ZSCAN5A: variants seen among roughly 807,000 people sequenced by gnomAD.
ZSCAN5A encodes zinc finger and SCAN domain containing 5A, also known as zinc finger and SCAN domain-containing protein 5A.
In ZSCAN5A, 12 loss-of-function variants were observed where a neutral mutation model predicts 23.7. The ratio of observed to expected loss-of-function variants is 0.51; its 90% confidence interval spans 0.32 to 0.82. ZSCAN5A has a LOEUF of 0.82. ZSCAN5A is among the 40% of genes least tolerant of loss of function. The probability of loss-of-function intolerance (pLI) is 0.03; values close to 1 mark genes in which losing one functional copy is unlikely to be tolerated. For synonymous variants in ZSCAN5A, 257 were observed against 239.9 expected, an observed-to-expected ratio of 1.07 and a Z score of -0.66; for missense variants, 597 against 617.9, an observed-to-expected ratio of 0.97 and a Z score of 0.36.
rs1361151736 is a variant in ZSCAN5A at position 56,351,600 on chromosome 19, CTTCT to C, written c.-358+11631_-358+11634del. ...GGGGGAGCTGTTCTCTTCTTTCTTCCTTCTTACTTGCTATTAAACTTTTCACTCC... is the reference window on the plus strand; with the variant it reads ...GGGGGAGCTGTTCTCTTCTTTCTTCCTACTTGCTATTAAACTTTTCACTCC... On this transcript the variant is annotated intron_variant, in intron 2 of 6. Coordinates refer to the ZSCAN5A transcript ENST00000587340. The surrounding 1 kb of genome is among the most constrained non-coding windows in gnomAD (Gnocchi z 4.8). 6.6e-6 allele frequency among the ~76,000 whole-genome samples: 1 copy of C among 152,088 alleles called. No individual in the cohort carries two copies. The highest frequency in any genetic ancestry group is 2.4e-5 in the African/African-American group (1 of 41,426).
rs1023232566 is a variant in ZSCAN5A at position 56,272,870 on chromosome 19, G to A, written c.-128+40413C>T. 28 of 985,302 alleles carry A rather than the reference G, an allele frequency of 2.8e-5. No individual in the cohort carries two copies. In the African/African-American group the frequency reaches 4.2e-4, roughly 15 times the overall value. The allele number at this position is 985,302 out of a possible 1,614,324, so 61.0% of individuals were successfully genotyped here. A position where few individuals can be genotyped will look rare whatever the true frequency, so the allele number is the denominator to read the frequency against. Reference sequence around the variant, plus strand: ...CAGAGCCATTTCTGAAAATGTCGCTGCTGATTCTGCTTTTCCTGGGATTGG... The same window carrying A: ...CAGAGCCATTTCTGAAAATGTCGCTACTGATTCTGCTTTTCCTGGGATTGG... On this transcript the variant is annotated intron_variant, in intron 2 of 5. Coordinates refer to ENST00000683990, the MANE Select transcript of ZSCAN5A (RefSeq NM_001322064.3).
chr19:56,297,067 C>T (rs959906163), intron 2 of ZSCAN5A, among the ~76,000 whole-genome samples: 2 of 116,520 alleles, frequency 1.7e-5, no homozygotes, highest in African/African-American at 5.7e-5. Context: ...AAAACTCTGT[C>T]TCAAAAAAAA....
intron 2 of ZSCAN5A, among the ~76,000 whole-genome samples, chr19:56,328,619 G>T (rs934817419): frequency 6.6e-6 from 1 of 151,258 alleles, no homozygotes; most frequent in Non-Finnish European, 1.5e-5. Context: ...GGGCTACAGA[G>T]CATGACTCTG....
Position 56,222,232 on chromosome 19 carries a change from C to T in ZSCAN5A, c.834G>A (p.Glu278=). The change falls in exon 6 of 6, where the codon GAG becomes GAA. Residue 278 remains glutamate, a synonymous_variant. Coordinates refer to ENST00000683990, the MANE Select transcript of ZSCAN5A (RefSeq NM_001322064.3). ...DADTPSACVV[E]REASTHSGNR... is the part of the protein sequence containing the mutation. ...TCCCGCTGTGAGTCGAAGCTTCTCT[C>T]TCCACAACGCAGGCAGAAGGTGTGT... The T allele has an allele frequency of 6.2e-7, 1 of 1,613,964 alleles. No individual in the cohort carries two copies. The highest frequency in any genetic ancestry group is 8.5e-7 in the Non-Finnish European group (1 of 1,179,892).
intron 2 of ZSCAN5A, among the ~76,000 whole-genome samples, chr19:56,253,946 T>C (rs143376260): frequency 2.8e-4 from 42 of 152,284 alleles, no homozygotes; most frequent in Admixed American, 6.5e-4. Context: ...GCAGAAAAGA[T>C]CTTGTTCTAA....
At chr19:56,235,561 C>T (rs2034840021) in intron 2 of ZSCAN5A, among the ~76,000 whole-genome samples, 1 of 51,884 alleles carries the variant, frequency 1.9e-5, no homozygotes, top group Non-Finnish European at 3.5e-5. Flanking sequence ...GACCGTGGGC[C>T]AAGTCTCCAC....
At chr19:56,296,364 T>G (rs1202204069) in intron 2 of ZSCAN5A, 1 of 152,218 alleles carries the variant, frequency 6.6e-6, no homozygotes, top group African/African-American at 2.4e-5. Flanking sequence ...TACTGCATGG[T>G]AAGTCTGGTG....
intron 2 of ZSCAN5A, among the ~76,000 whole-genome samples, chr19:56,323,639 C>T (rs554708868): frequency 4.5e-4 from 67 of 150,082 alleles, no homozygotes; most frequent in Non-Finnish European, 7.8e-4. Flanking sequence ...CGGGTTCAAG[C>T]GATTCTCCTG....
At chr19:56,355,945 T>C (rs2041698246) in intron 2 of ZSCAN5A, among the ~76,000 whole-genome samples, 4 of 148,804 alleles carry the variant, frequency 2.7e-5, no homozygotes, top group Admixed American at 2.7e-4. Flanking sequence ...CATACACTTA[T>C]TTTCTGTGGT....
chr19:56,312,967 T>C (rs1320025239), intron 2 of ZSCAN5A, among the ~76,000 whole-genome samples: 5 of 152,236 alleles, frequency 3.3e-5, no homozygotes, highest in Non-Finnish European at 7.3e-5. Flanking sequence ...CAGTTACTGT[T>C]ACTGCTGCTG....
chr19:56,237,655 C>T (rs1021774357), intron 2 of ZSCAN5A, among the ~76,000 whole-genome samples: 3 of 152,112 alleles, frequency 2.0e-5, no homozygotes, highest in South Asian at 2.1e-4. Flanking sequence ...CGCGGTGGCT[C>T]ATGCCTGTAA....
chr19:56,284,750 G>A (rs1259358441), intron 2 of ZSCAN5A, among the ~76,000 whole-genome samples: 1 of 151,986 alleles, frequency 6.6e-6, no homozygotes, highest in Non-Finnish European at 1.5e-5. Flanking sequence ...CTGACCTCAG[G>A]TGATCCACCC....
In ZSCAN5A at chr19:56,222,297, C is replaced by A. The variant is rs772271198; in HGVS notation, c.769G>T (p.Asp257Tyr). 4.3e-6 allele frequency: 7 copies of A among 1,612,458 alleles called. No individual in the cohort carries two copies. Among genetic ancestry groups the A allele is most frequent in the Non-Finnish European group, 4.2e-6 (5 of 1,179,854 alleles). Residue 257 changes from aspartate to tyrosine, a missense_variant, in exon 6 of 6, where the codon GAC (aspartate) becomes TAC (tyrosine). By Grantham distance (160) the Asp-to-Tyr change is radical. Coordinates refer to ENST00000683990, the MANE Select transcript of ZSCAN5A (RefSeq NM_001322064.3). Reference protein sequence around the residue: ...TDLVRAKEGKDPPKIASVENV... With the variant: ...TDLVRAKEGKYPPKIASVENV... ...TCCACAGAGGCTATTTTTGGGGGGT[C>A]CTTCCCCTCCTTTGCTCTCACCAGA...
intron 2 of ZSCAN5A, among the ~76,000 whole-genome samples, chr19:56,255,077 T>C (rs561866619): frequency 6.6e-6 from 1 of 152,162 alleles, no homozygotes; most frequent in Admixed American, 6.5e-5. Flanking sequence ...TATTACAATT[T>C]TATTTAGGAA....
intron 2 of ZSCAN5A, among the ~76,000 whole-genome samples, chr19:56,335,207 G>T (rs1166089633): frequency 6.6e-6 from 1 of 150,810 alleles, no homozygotes; most frequent in Non-Finnish European, 1.5e-5. Flanking sequence ...AGAGCTTGAA[G>T]ACTGCCTTTC....
chr19:56,283,682 C>CAG (rs140566590), intron 2 of ZSCAN5A: 1 of 152,184 alleles, frequency 6.6e-6, no homozygotes, highest in Non-Finnish European at 1.5e-5. Flanking sequence ...TAGAAGAAGT[C>CAG]AGAGAGATCT....
Position 56,231,348 on chromosome 19 carries a change from GTGTA to G in ZSCAN5A, c.-127-6179_-127-6176del, listed in dbSNP as rs530258601. Among the ~76,000 whole-genome samples the G allele has an allele frequency of 6.5e-3, 987 of 152,294 alleles. 8 individuals carry two copies. Among genetic ancestry groups the G allele is most frequent in the African/African-American group, 0.023 (942 of 41,536 alleles). ...AAACATTATGTTGTACACCAAAAATGTGTATGTACCATTTTTATTTGTAAATTTA... is the reference window on the plus strand; with the variant it reads ...AAACATTATGTTGTACACCAAAAATGTGTACCATTTTTATTTGTAAATTTA... On this transcript the variant is annotated intron_variant, in intron 2 of 5. Transcript: ENST00000683990.
intron 2 of ZSCAN5A, among the ~76,000 whole-genome samples, chr19:56,230,488 A>C (rs947620884): frequency 1.3e-5 from 2 of 152,168 alleles, no homozygotes; most frequent in Non-Finnish European, 2.9e-5. Flanking sequence ...CCATCACCTC[A>C]CATAGATACC....
At chr19:56,349,894 G>A (rs943935425) in intron 2 of ZSCAN5A, among the ~76,000 whole-genome samples, 3 of 152,058 alleles carry the variant, frequency 2.0e-5, no homozygotes, top group Non-Finnish European at 4.4e-5. Context: ...ATGCATATTT[G>A]CAGAGAGATT....
Sources: gnomAD v4.1 joint callset for allele counts (sites outside exome capture counted in the v4.1 genomes callset) on GRCh38, gnomAD v4.1.1 for gene constraint, Gnocchi (gnomAD v3.1) non-coding constraint, MANE v1.5 for transcripts, NCBI Gene and HGNC (gene_info 2026-07-23, HGNC 2026-07-21) for gene names.